Variants in RGS19 observed in about 807,000 individuals in gnomAD.
RGS19 encodes the protein G alpha interacting protein.
A neutral mutation model predicts 22.0 loss-of-function variants in RGS19; 9 were observed. That is an observed-to-expected ratio of 0.41 (90% CI 0.25 to 0.71). The LOEUF (loss-of-function observed/expected upper bound fraction) is 0.71. Ranked by LOEUF, RGS19 falls within the 30% of genes least tolerant of loss-of-function variation. RGS19 has a pLI of 0.32. For missense variants in RGS19, 256 were observed against 307.1 expected (o/e 0.83, Z 1.24); for synonymous variants, 130 against 127.3 (o/e 1.02, Z -0.14).
At position 64,079,397 on chromosome 20, in the gene RGS19, G is replaced by A. The variant is rs934208897; in HGVS notation, c.-172C>T. Reference sequence around the variant, plus strand: ...ACTGCAGCAGCAGGGACTCAAGTCAGACGGCAGGAGGGACTCCTGCGGCGC... The same window carrying A: ...ACTGCAGCAGCAGGGACTCAAGTCAAACGGCAGGAGGGACTCCTGCGGCGC... On this transcript the variant is annotated 5_prime_UTR_variant, in exon 1 of 6. Coordinates refer to ENST00000395042, the MANE Select transcript of RGS19 (RefSeq NM_005873.3). This position sits in a 1 kb window ranked among gnomAD's most constrained non-coding sequence, Gnocchi z 5.1. 1 of 152,052 alleles carries A rather than the reference G, an allele frequency of 6.6e-6. No homozygotes were observed. The highest frequency in any genetic ancestry group is 2.4e-5 in the African/African-American group (1 of 41,414). 9.4% of individuals were successfully genotyped at this position (152,052 alleles called of 1,614,324 possible).
At chr20:64,078,167 T>C (rs1264555554) in intron 1 of RGS19, among the ~76,000 whole-genome samples, 2 of 20,574 alleles carry the variant, frequency 9.7e-5, no homozygotes, top group East Asian at 0.018. Context: ...AGTTCTGCAC[T>C]CTTAGGGCCC....
rs781645976 is a variant in RGS19, at chr20:64,073,884, T to TGCA, written c.620_622dup (p.Leu207dup). 29 of 1,612,994 alleles carry TGCA rather than the reference T, an allele frequency of 1.8e-5. No homozygotes were observed. In the Admixed American group the frequency reaches 4.8e-4, roughly 27 times the overall value. ...CTCGGAGGAGGACTGTGATGGCCCC[T>TGCA]GCAGCAGCAGGGCACGGTAGGTGGG... On this transcript the variant is annotated inframe_insertion, in exon 6 of 6. Transcript: ENST00000395042.
rs1235293335 is a variant in RGS19, at chr20:64,076,969, C to G, written c.-68-15G>C. 7.7e-7 allele frequency: 1 copy of G among 1,304,080 alleles called. No homozygotes were observed. Among genetic ancestry groups the G allele is most frequent in the Non-Finnish European group, 1.0e-6 (1 of 979,756 alleles). 80.8% of individuals were successfully genotyped at this position (1,304,080 alleles called of 1,614,324 possible). ...AGCCTGGGGGTCTGGGGAGAGGGGCCAAGGTTCTGACTGAGAACCTGAAAC... is the reference window on the plus strand; with the variant it reads ...AGCCTGGGGGTCTGGGGAGAGGGGCGAAGGTTCTGACTGAGAACCTGAAAC... On this transcript the variant is annotated splice_polypyrimidine_tract_variant and intron_variant, in intron 1 of 5. Coordinates refer to ENST00000395042, the MANE Select transcript of RGS19 (RefSeq NM_005873.3).
chr20:64,073,510 C>T lies in RGS19; in HGVS notation c.*343G>A, dbSNP rs2059872548. 4.5e-6 allele frequency: 1 copy of T among 222,094 alleles called. No individual in the cohort carries two copies. Among genetic ancestry groups the T allele is most frequent in the Non-Finnish European group, 8.9e-6 (1 of 112,684 alleles). The allele number at this position is 222,094 out of a possible 1,614,324, so 13.8% of individuals were successfully genotyped here. A position where few individuals can be genotyped will look rare whatever the true frequency, so the allele number is the denominator to read the frequency against. ...GCCCATTGGCTGCCTGGGGAGGAGGCCCCAGCGAGGCTCATGGGTCCAGCA... is the reference window on the plus strand; with the variant it reads ...GCCCATTGGCTGCCTGGGGAGGAGGTCCCAGCGAGGCTCATGGGTCCAGCA... On this transcript the variant is annotated 3_prime_UTR_variant, in exon 6 of 6. Coordinates refer to ENST00000395042, the MANE Select transcript of RGS19 (RefSeq NM_005873.3).
chr20:64,074,415 T>C, intron 4 of RGS19, 37 bp from the exon 5 acceptor site: 1 of 1,578,400 alleles, frequency 6.3e-7, no homozygotes, highest in Non-Finnish European at 8.6e-7. Flanking sequence ...CAGGCCCGAG[T>C]CTCCCGGTCT....
At chr20:64,078,431 G>C (rs1381058614) in intron 1 of RGS19, among the ~76,000 whole-genome samples, 1 of 152,168 alleles carries the variant, frequency 6.6e-6, no homozygotes, top group East Asian at 1.9e-4. Flanking sequence ...CCCAGACGGG[G>C]CTGTCTGTGG....
At position 64,075,273 on chromosome 20, in the gene RGS19, C is replaced by T. The variant is rs771275475; in HGVS notation, c.153-732G>A. Among the ~76,000 whole-genome samples, 1 of 152,196 alleles carries T rather than the reference C, an allele frequency of 6.6e-6. No homozygotes were observed. The highest frequency in any genetic ancestry group is 1.5e-5 in the Non-Finnish European group (1 of 68,032). On this transcript the variant is annotated intron_variant, in intron 3 of 5. Transcript: ENST00000395042. This position sits in a 1 kb window ranked among gnomAD's most constrained non-coding sequence, Gnocchi z 4.6. The stretch of plus-strand genomic sequence containing the variant: ...CTGGCGTGTCAGCAGTGTCTCTCGT[C>T]GGCTGACGCAGGTGAGAGCCCCAAA...
chr20:64,077,883 G>C (rs570964798), intron 1 of RGS19, among the ~76,000 whole-genome samples: 1 of 152,244 alleles, frequency 6.6e-6, no homozygotes, highest in African/African-American at 2.4e-5. Flanking sequence ...GGTACAGGGG[G>C]GCCAATCAGT....
chr20:64,074,310 G>T lies in RGS19; in HGVS notation c.296C>A (p.Ala99Glu). 6.2e-7 allele frequency: 1 copy of T among 1,612,606 alleles called. No individual in the cohort carries two copies. Among genetic ancestry groups the T allele is most frequent in the Non-Finnish European group, 8.5e-7 (1 of 1,179,984 alleles). Reference sequence around the variant, plus strand: ...GAACGCCCGGAACACGCTGCGTCCCGCTGGGCTGTGCATCAGCTTGTCAAA... The same window carrying T: ...GAACGCCCGGAACACGCTGCGTCCCTCTGGGCTGTGCATCAGCTTGTCAAA... ...QSFDKLMHSP[A>E]GRSVFRAFLR... Residue 99 changes from alanine (A) to glutamate (E), a missense_variant, in exon 5 of 6, where the codon GCG (alanine) becomes GAG (glutamate). Physicochemically the swap from Ala to Glu is moderately radical, Grantham distance 107. Transcript: ENST00000395042.
rs763822885 is a variant in RGS19 at position 64,074,203 on chromosome 20, C to T, written c.403G>A (p.Val135Ile). 5.0e-6 allele frequency: 8 copies of T among 1,614,094 alleles called. No individual in the cohort carries two copies. The highest frequency in any genetic ancestry group is 8.5e-7 in the Non-Finnish European group (1 of 1,180,016). The change falls in exon 5 of 6, where the codon GTA (valine) becomes ATA (isoleucine). Residue 135 changes from valine to isoleucine, a missense_variant. By Grantham distance (29) the Val-to-Ile change is conservative (BLOSUM62 3). Transcript: ENST00000395042. The part of the protein sequence containing the change: ...ELKAEANQHV[V>I]DEKARLIYED... ...TAGATGAGCCTCGCCTTCTCGTCTA[C>T]CACATGCTGGTTGGCCTCGGCCTTC...
At position 64,073,614 on chromosome 20, in the gene RGS19, T is replaced by C. The variant is rs900957401; in HGVS notation, c.*239A>G. On this transcript the variant is annotated 3_prime_UTR_variant, in exon 6 of 6. Transcript: ENST00000395042. Reference sequence around the variant, plus strand: ...ACTGGGCCAGCCAGCTGCGGGCCGATGAGGGGGCTTCTGGCCCGCCCTGCA... The same window carrying C: ...ACTGGGCCAGCCAGCTGCGGGCCGACGAGGGGGCTTCTGGCCCGCCCTGCA... The C allele has an allele frequency of 6.2e-6, 3 of 481,446 alleles. No individual in the cohort carries two copies. Among genetic ancestry groups the C allele is most frequent in the African/African-American group, 3.9e-5 (2 of 51,078 alleles). 29.8% of individuals were successfully genotyped at this position (481,446 alleles called of 1,614,324 possible). A position where few individuals can be genotyped will look rare whatever the true frequency, so the allele number is the denominator to read the frequency against.
chr20:64,077,332 G>A (rs1306905739), intron 1 of RGS19, among the ~76,000 whole-genome samples: 2 of 152,182 alleles, frequency 1.3e-5, no homozygotes, highest in East Asian at 1.9e-4. Flanking sequence ...CAACTGGTGC[G>A]TGCGGGTGGT....
At position 64,074,277 on chromosome 20, in the gene RGS19, G is replaced by A; in HGVS notation, c.329C>T (p.Thr110Ile). ...GRSVFRAFLR[T>I]EYSEENMLFW... is the part of the protein sequence containing the mutation. ...GAGCATGTTCTCCTCGCTGTACTCT[G>A]TCCGCAGGAACGCCCGGAACACGCT... The change falls in exon 5 of 6, where the codon ACA becomes ATA. Residue 110 changes from threonine (T) to isoleucine (I), a missense_variant. By Grantham distance (89) the Thr-to-Ile change is moderately conservative (BLOSUM62 -1). Transcript: ENST00000395042. The A allele has an allele frequency of 6.2e-7, 1 of 1,613,448 alleles. No individual in the cohort carries two copies. Among genetic ancestry groups the A allele is most frequent in the South Asian group, 1.1e-5 (1 of 91,086 alleles).
Position 64,073,617 on chromosome 20 carries a change from G to C in RGS19, c.*236C>G. On this transcript the variant is annotated 3_prime_UTR_variant, in exon 6 of 6. Transcript: ENST00000395042. Reference sequence around the variant, plus strand: ...GGGCCAGCCAGCTGCGGGCCGATGAGGGGGCTTCTGGCCCGCCCTGCACCT... The same window carrying C: ...GGGCCAGCCAGCTGCGGGCCGATGACGGGGCTTCTGGCCCGCCCTGCACCT... 2.0e-6 allele frequency: 1 copy of C among 494,392 alleles called. No individual in the cohort carries two copies. Among genetic ancestry groups the C allele is most frequent in the East Asian group, 3.3e-5 (1 of 30,660 alleles). 30.6% of individuals were successfully genotyped at this position (494,392 alleles called of 1,614,324 possible). A position where few individuals can be genotyped will look rare whatever the true frequency, so the allele number is the denominator to read the frequency against.
At chr20:64,077,276 C>T (rs984488145) in intron 1 of RGS19, among the ~76,000 whole-genome samples, 1 of 152,142 alleles carries the variant, frequency 6.6e-6, no homozygotes, top group African/African-American at 2.4e-5. Context: ...TTCTTGGTTT[C>T]CGGCTCCCAG....
chr20:64,073,566 C>T lies in RGS19; in HGVS notation c.*287G>A, dbSNP rs914932230. The T allele has an allele frequency of 1.1e-4, 45 of 397,376 alleles. No individual in the cohort carries two copies. The East Asian group carries it at 1.5e-3, about 13-fold the overall frequency. The allele number at this position is 397,376 out of a possible 1,614,324, so 24.6% of individuals were successfully genotyped here. On this transcript the variant is annotated 3_prime_UTR_variant, in exon 6 of 6. Coordinates refer to ENST00000395042, the MANE Select transcript of RGS19 (RefSeq NM_005873.3). ...CCTGGGGGGACCCCTACTCTCACCACGCAAGAGCCCCCAGCCAGGAGCACT... is the reference window on the plus strand; with the variant it reads ...CCTGGGGGGACCCCTACTCTCACCATGCAAGAGCCCCCAGCCAGGAGCACT...
chr20:64,077,448 C>G (rs1431994790), intron 1 of RGS19, among the ~76,000 whole-genome samples: 1 of 152,066 alleles, frequency 6.6e-6, no homozygotes, highest in Non-Finnish European at 1.5e-5. Context: ...CCAGGGGCAG[C>G]AGGCTAGACC....
Position 64,073,600 on chromosome 20 carries a change from C to G in RGS19, c.*253G>C. The G allele has an allele frequency of 2.1e-6, 1 of 465,176 alleles. No individual in the cohort carries two copies. Among genetic ancestry groups the G allele is most frequent in the Non-Finnish European group, 3.8e-6 (1 of 260,602 alleles). 28.8% of individuals were successfully genotyped at this position (465,176 alleles called of 1,614,324 possible). A position where few individuals can be genotyped will look rare whatever the true frequency, so the allele number is the denominator to read the frequency against. ...CCCCAGCCAGGAGCACTGGGCCAGC[C>G]AGCTGCGGGCCGATGAGGGGGCTTC... On this transcript the variant is annotated 3_prime_UTR_variant, in exon 6 of 6. Transcript: ENST00000395042.
At chr20:64,076,810 A>G in intron 2 of RGS19, 47 bp downstream of exon 2, 4 of 1,571,232 alleles carry the variant, frequency 2.5e-6, no homozygotes, top group Non-Finnish European at 2.6e-6. Context: ...AGCTTGCCCC[A>G]CCCCATCTCC....
Sources: allele counts gnomAD v4.1 joint callset (sites outside exome capture counted in the v4.1 genomes callset), GRCh38; gene constraint gnomAD v4.1.1; non-coding constraint Gnocchi (gnomAD v3.1); transcripts MANE v1.5; gene names NCBI Gene and HGNC (gene_info 2026-07-23, HGNC 2026-07-21).